Variants in PDSS2 observed in about 807,000 individuals in gnomAD.
PDSS2 encodes all trans-polyprenyl-diphosphate synthase PDSS2.
A neutral mutation model predicts 44.5 loss-of-function variants in PDSS2; 31 were observed. That is an observed-to-expected ratio of 0.70 (90% confidence interval 0.52 to 0.94). The LOEUF is 0.94. PDSS2 is among the 40% of genes least tolerant of loss of function. PDSS2 has a pLI of 0.00. For synonymous variants in PDSS2, 157 were observed against 180.3 expected (o/e 0.87, Z 1.03); for missense variants, 452 against 482.2 (o/e 0.94, Z 0.59).
rs377517207 is a variant in PDSS2 at position 107,212,186 on chromosome 6, T to C, written c.799A>G (p.Met267Val). The part of the protein sequence containing the change: ...ALLAKSCQAA[M>V]ELAKHDAEVQ... ...TCAGCATCATGCTTTGCTAATTCCATTGCAGCTTGGCAGCTCTTTGCTAGT... is the reference window on the plus strand; with the variant it reads ...TCAGCATCATGCTTTGCTAATTCCACTGCAGCTTGGCAGCTCTTTGCTAGT... The change falls in exon 5 of 8, where the codon ATG becomes GTG. Residue 267 changes from methionine to valine, a missense_variant. Transcript: ENST00000369037. The C allele has an allele frequency of 1.9e-6, 3 of 1,614,106 alleles. No individual in the cohort carries two copies. The highest frequency in any genetic ancestry group is 2.2e-5 in the East Asian group (1 of 44,864).
At chr6:107,410,388 G>T (rs944932492) in intron 1 of PDSS2, among the ~76,000 whole-genome samples, 4 of 152,146 alleles carry the variant, frequency 2.6e-5, no homozygotes, top group Non-Finnish European at 4.4e-5. Context: ...AGGTGCATGT[G>T]CGCGCAGACA....
chr6:107,209,562 C>CTTTTTTTTT (rs543768033), intron 6 of PDSS2, among the ~76,000 whole-genome samples: 2 of 126,210 alleles, frequency 1.6e-5, no homozygotes, highest in Non-Finnish European at 1.7e-5. Context: ...AGGCTCTAAG[C>CTTTTTTTTT]TTTTTTTTTT....
chr6:107,404,806 C>T (rs1309239142), intron 1 of PDSS2, among the ~76,000 whole-genome samples: 2 of 152,114 alleles, frequency 1.3e-5, no homozygotes, highest in African/African-American at 4.8e-5. Flanking sequence ...AACCATATTA[C>T]ATAGATTAAT....
intron 4 of PDSS2, among the ~76,000 whole-genome samples, chr6:107,223,471 G>C (rs1286987254): frequency 6.6e-6 from 1 of 151,020 alleles, no homozygotes; most frequent in Admixed American, 6.6e-5. Context: ...GGAGGTGGAG[G>C]TTGCAGTGAG....
chr6:107,365,710 T>G (rs574613432), intron 1 of PDSS2, among the ~76,000 whole-genome samples: 2 of 152,116 alleles, frequency 1.3e-5, no homozygotes, highest in African/African-American at 2.4e-5. Flanking sequence ...GTCACCACAA[T>G]AGAGCTGGAA....
chr6:107,174,479 G>A (rs1038320679), intron 7 of PDSS2, among the ~76,000 whole-genome samples: 4 of 152,188 alleles, frequency 2.6e-5, no homozygotes, highest in Non-Finnish European at 5.9e-5. Context: ...CTCTTCGCCA[G>A]TGTGAAAGAT....
chr6:107,408,370 C>T (rs994270911), intron 1 of PDSS2, among the ~76,000 whole-genome samples: 10 of 152,178 alleles, frequency 6.6e-5, no homozygotes, highest in Non-Finnish European at 1.2e-4. Flanking sequence ...TTCTACAAGA[C>T]ATCCATTGCT....
At chr6:107,253,233 T>A (rs1774885384) in intron 3 of PDSS2, among the ~76,000 whole-genome samples, 1 of 152,192 alleles carries the variant, frequency 6.6e-6, no homozygotes, top group South Asian at 2.1e-4. Flanking sequence ...GAGACGGGGT[T>A]TCACCACACT....
At chr6:107,221,310 C>A (rs898300981) in intron 4 of PDSS2, among the ~76,000 whole-genome samples, 1 of 139,180 alleles carries the variant, frequency 7.2e-6, no homozygotes, top group South Asian at 2.4e-4. Context: ...CCATGGCACT[C>A]CAGCCTGGGC....
In PDSS2 at chr6:107,202,364, C is replaced by T. The variant is rs1712766483; in HGVS notation, c.1008+8075G>A. ...CTATAATGCTATTTAAAATACAGTT[C>T]AGGCTGGCCATCTCTGCAAAAAAAA... On this transcript the variant is annotated intron_variant, in intron 6 of 7. Coordinates refer to ENST00000369037, the MANE Select transcript of PDSS2 (RefSeq NM_020381.4). Among the ~76,000 whole-genome samples, 3 of 151,784 alleles carry T rather than the reference C, an allele frequency of 2.0e-5. No individual in the cohort carries two copies. In the South Asian group the frequency reaches 6.2e-4, roughly 32 times the overall value.
At position 107,291,816 on chromosome 6, in the gene PDSS2, C is replaced by T. The variant is rs187381219; in HGVS notation, c.432-17589G>A. ...CTGTTTGAGCCCAGGAGTTTTGAGA[C>T]CAGCCTGGGCAACATAGAGAGACCT... On this transcript the variant is annotated intron_variant, in intron 2 of 7. Coordinates refer to ENST00000369037, the MANE Select transcript of PDSS2 (RefSeq NM_020381.4). 4.6e-5 allele frequency among the ~76,000 whole-genome samples: 7 copies of T among 151,816 alleles called. No individual in the cohort carries two copies. In the East Asian group the frequency reaches 1.4e-3, roughly 30 times the overall value.
intron 1 of PDSS2, among the ~76,000 whole-genome samples, chr6:107,405,504 C>T (rs1302096045): frequency 6.6e-6 from 1 of 151,856 alleles, no homozygotes; most frequent in Non-Finnish European, 1.5e-5. Flanking sequence ...GGAAAAAAAA[C>T]TCACATATCA....
intron 1 of PDSS2, among the ~76,000 whole-genome samples, chr6:107,411,482 T>A (rs1023196485): frequency 6.6e-6 from 1 of 152,184 alleles, no homozygotes; most frequent in Non-Finnish European, 1.5e-5. Flanking sequence ...TTAGGTAAGG[T>A]TGCACATACC....
At chr6:107,185,008 T>A (rs1772113102) in intron 7 of PDSS2, among the ~76,000 whole-genome samples, 1 of 150,862 alleles carries the variant, frequency 6.6e-6, no homozygotes, top group Non-Finnish European at 1.5e-5. Flanking sequence ...GCAGAGACAG[T>A]GCACCTGTAG....
chr6:107,377,489 G>A (rs1779320941), intron 1 of PDSS2, among the ~76,000 whole-genome samples: 1 of 152,068 alleles, frequency 6.6e-6, no homozygotes, highest in Admixed American at 6.6e-5. Flanking sequence ...GATTCCTCAG[G>A]GATCTAGAAC....
chr6:107,426,150 T>C (rs1372399709), intron 1 of PDSS2, among the ~76,000 whole-genome samples: 6 of 152,164 alleles, frequency 3.9e-5, no homozygotes, highest in Admixed American at 3.9e-4. Context: ...AATGATTTTA[T>C]GGACCAGGCC....
chr6:107,458,412 C>CAAAAAAATAAAA (rs1782121143), intron 1 of PDSS2, among the ~76,000 whole-genome samples: 1 of 78,182 alleles, frequency 1.3e-5, no homozygotes, highest in African/African-American at 6.4e-5. Context: ...GACTCCGTCT[C>CAAAAAAATAAAA]AAAAAAAAAA....
At chr6:107,156,116 C>T (rs1770884932) in intron 7 of PDSS2, among the ~76,000 whole-genome samples, 2 of 151,470 alleles carry the variant, frequency 1.3e-5, no homozygotes, top group Admixed American at 6.6e-5. Context: ...TCTCCGTCTC[C>T]AGACCTCAGG....
At chr6:107,424,216 A>T (rs981256474) in intron 1 of PDSS2, among the ~76,000 whole-genome samples, 4 of 151,322 alleles carry the variant, frequency 2.6e-5, no homozygotes, top group Non-Finnish European at 5.9e-5. Flanking sequence ...TAATTTCTTT[A>T]ATTTTTTATT....
Sources: allele counts gnomAD v4.1 joint callset (sites outside exome capture counted in the v4.1 genomes callset), GRCh38; gene constraint gnomAD v4.1.1; transcripts MANE v1.5; gene names NCBI Gene and HGNC (gene_info 2026-07-23, HGNC 2026-07-21).